Variants in NDST3 observed in about 807,000 individuals in gnomAD.
NDST3 encodes bifunctional heparan sulfate N-deacetylase/N-sulfotransferase 3.
NDST3 carries 58 observed loss-of-function variants against 96.1 expected under a neutral mutation model. That is an observed-to-expected ratio of 0.60 (90% CI 0.49 to 0.75). NDST3 has a LOEUF of 0.75. Ranked by LOEUF, NDST3 falls within the 30% of genes least tolerant of loss-of-function variation. NDST3 has a pLI of 0.00. For missense variants in NDST3, 788 were observed against 1,034.2 expected (o/e 0.76, Z 3.27); for synonymous variants, 333 against 359.7 (o/e 0.93, Z 0.84).
rs1175257822 is a variant in NDST3 at position 118,255,721 on chromosome 4, G to A, written c.*9G>A. 3 of 1,604,676 alleles carry A rather than the reference G, an allele frequency of 1.9e-6. No homozygotes were observed. The highest frequency in any genetic ancestry group is 2.6e-6 in the Non-Finnish European group (3 of 1,175,260). On this transcript the variant is annotated 3_prime_UTR_variant, in exon 14 of 14. Coordinates refer to ENST00000296499, the MANE Select transcript of NDST3 (RefSeq NM_004784.3). ...TGCAGAAAGTAAGATAGCACTGAGA[G>A]AAAACTTGAGACTTCATCGTCCATG... is the stretch of plus-strand genomic sequence containing the variant.
chr4:118,053,580 T>C (rs961975420), intron 1 of NDST3, among the ~76,000 whole-genome samples, 176 bp from the exon 2 acceptor site: 5 of 151,876 alleles, frequency 3.3e-5, no homozygotes, highest in African/African-American at 1.2e-4. Context: ...CCTTTTCCTC[T>C]TTCTACCAGT....
chr4:118,232,158 G>A (rs1740341851), intron 8 of NDST3, among the ~76,000 whole-genome samples: 1 of 152,034 alleles, frequency 6.6e-6, no homozygotes, highest in Non-Finnish European at 1.5e-5. Context: ...AGCTTTCATA[G>A]GCCTCTGGAA....
intron 2 of NDST3, among the ~76,000 whole-genome samples, chr4:118,069,086 T>C (rs766156238): frequency 2.0e-5 from 3 of 152,026 alleles, no homozygotes; most frequent in African/African-American, 4.8e-5. Flanking sequence ...CTGGATAATT[T>C]TGACAAAGTA....
intron 2 of NDST3, among the ~76,000 whole-genome samples, chr4:118,068,372 T>C (rs1726772828): frequency 6.6e-6 from 1 of 152,090 alleles, no homozygotes; most frequent in Non-Finnish European, 1.5e-5. Flanking sequence ...TGTTAACTTG[T>C]AAATGAACAG....
chr4:118,168,914 C>A (rs1372210425), intron 6 of NDST3, among the ~76,000 whole-genome samples: 6 of 152,104 alleles, frequency 3.9e-5, no homozygotes, highest in Non-Finnish European at 5.9e-5. Flanking sequence ...CATGAGATAT[C>A]TGAAACAGTC....
At position 118,206,013 on chromosome 4, in the gene NDST3, T is replaced by C. The variant is rs1336102141; in HGVS notation, c.1540-18478T>C. On this transcript the variant is annotated intron_variant, in intron 6 of 13. Coordinates refer to ENST00000296499, the MANE Select transcript of NDST3 (RefSeq NM_004784.3). Reference sequence around the variant, plus strand: ...ACGCCCAGCTAATTTTTTGTATTTTTAGTAGAGACAGGGTTTCACCGTGTT... The same window carrying C: ...ACGCCCAGCTAATTTTTTGTATTTTCAGTAGAGACAGGGTTTCACCGTGTT... 1.4e-5 allele frequency among the ~76,000 whole-genome samples: 2 copies of C among 142,754 alleles called. 1 individual carries two copies. Among genetic ancestry groups the C allele is most frequent in the Non-Finnish European group, 3.1e-5 (2 of 64,740 alleles). 93.7% of individuals were successfully genotyped at this position (142,754 alleles called of 152,430 possible).
At chr4:118,102,278 G>A (rs1729825889) in intron 2 of NDST3, among the ~76,000 whole-genome samples, 1 of 151,988 alleles carries the variant, frequency 6.6e-6, no homozygotes, top group South Asian at 2.1e-4. Context: ...CACTTTTGAA[G>A]GTAGACATCT....
chr4:118,157,833 AC>A, intron 6 of NDST3, among the ~76,000 whole-genome samples: 1 of 152,266 alleles, frequency 6.6e-6, no homozygotes, highest in East Asian at 1.9e-4. Context: ...GAACAAATAA[AC>A]CTAACATGGA....
At chr4:118,094,599 C>T (rs1323516368) in intron 2 of NDST3, among the ~76,000 whole-genome samples, 1 of 151,786 alleles carries the variant, frequency 6.6e-6, no homozygotes, top group Non-Finnish European at 1.5e-5. Flanking sequence ...TTACCCTATA[C>T]AAATTTTCAG....
intron 6 of NDST3, among the ~76,000 whole-genome samples, chr4:118,171,745 A>G (rs1735968032): frequency 1.3e-5 from 2 of 152,178 alleles, no homozygotes; most frequent in Admixed American, 1.3e-4. Context: ...CCAGGGAGGT[A>G]TTATAACACA....
intron 2 of NDST3, among the ~76,000 whole-genome samples, chr4:118,083,169 G>T (rs1728155190): frequency 6.6e-6 from 1 of 152,142 alleles, no homozygotes; most frequent in Non-Finnish European, 1.5e-5. Flanking sequence ...TCATGAATGT[G>T]TATTACAATT....
intron 1 of NDST3, among the ~76,000 whole-genome samples, chr4:118,046,946 G>A (rs141752678): frequency 7.2e-5 from 11 of 152,280 alleles, no homozygotes; most frequent in South Asian, 2.1e-4. Flanking sequence ...AAATGCAGAC[G>A]CACTGTCAGT....
At chr4:118,230,736 TTAC>T (rs1740229501) in intron 8 of NDST3, among the ~76,000 whole-genome samples, 1 of 152,188 alleles carries the variant, frequency 6.6e-6, no homozygotes, top group Admixed American at 6.5e-5. Context: ...AAGCACATTT[TTAC>T]TTTGTATATC....
chr4:118,050,610 C>A (rs924389495), intron 1 of NDST3, among the ~76,000 whole-genome samples: 4 of 151,972 alleles, frequency 2.6e-5, no homozygotes, highest in Admixed American at 6.6e-5. Context: ...ATGAAGAATA[C>A]AATCCCATGT....
intron 1 of NDST3, among the ~76,000 whole-genome samples, chr4:118,041,201 C>A (rs894029902): frequency 1.3e-4 from 20 of 151,980 alleles, no homozygotes; most frequent in African/African-American, 4.6e-4. Flanking sequence ...AGTTATCTTC[C>A]CAGGTGTATG....
intron 6 of NDST3, among the ~76,000 whole-genome samples, chr4:118,210,329 T>C (rs1158039224): frequency 6.6e-6 from 1 of 151,992 alleles, no homozygotes; most frequent in African/African-American, 2.4e-5. Context: ...ATCCAAAGTA[T>C]GAGAGAGAGA....
intron 6 of NDST3, among the ~76,000 whole-genome samples, chr4:118,217,974 A>T (rs1001329046): frequency 2.6e-5 from 4 of 152,050 alleles, no homozygotes; most frequent in African/African-American, 7.2e-5. Context: ...GGACACATAT[A>T]CCCTCCCAAG....
At chr4:118,049,327 A>G (rs1168906557) in intron 1 of NDST3, among the ~76,000 whole-genome samples, 3 of 152,048 alleles carry the variant, frequency 2.0e-5, no homozygotes, top group Non-Finnish European at 4.4e-5. Flanking sequence ...AAATAAAGGA[A>G]CAAACATACC....
chr4:118,078,410 G>A lies in NDST3; in HGVS notation c.981+23519G>A, dbSNP rs72903395. On this transcript the variant is annotated intron_variant, in intron 2 of 13. Transcript: ENST00000296499. ...TCTTTCTGATTATTTACATTTTCTA[G>A]CCAGTTGCATAGGTGAATATAATAT... Among the ~76,000 whole-genome samples the A allele has an allele frequency of 3.2e-3, 488 of 152,200 alleles. 3 individuals carry two copies. Among genetic ancestry groups the A allele is most frequent in the African/African-American group, 0.011 (447 of 41,540 alleles).
Sources: allele counts gnomAD v4.1 joint callset (sites outside exome capture counted in the v4.1 genomes callset), GRCh38; gene constraint gnomAD v4.1.1; transcripts MANE v1.5; gene names NCBI Gene and HGNC (gene_info 2026-07-23, HGNC 2026-07-21).